The following METTL2A variants were observed in gnomAD, a reference collection of about 807,000 sequenced individuals.
METTL2A encodes methyltransferase 2A, tRNA N3-cytidine.
METTL2A carries 45 observed loss-of-function variants against 49.4 expected under a neutral mutation model. That is an observed-to-expected ratio of 0.91 (90% CI 0.72 to 1.17). METTL2A has a LOEUF of 1.17. Ranked by LOEUF, METTL2A falls within the 50% of genes most tolerant of loss-of-function variation. The pLI, the probability that METTL2A is intolerant of heterozygous loss-of-function variation, is 0.00. For synonymous variants in METTL2A, 118 were observed against 167.5 expected, an observed-to-expected ratio of 0.70 and a Z score of 2.28; for missense variants, 361 against 462.2, an observed-to-expected ratio of 0.78 and a Z score of 2.01.
chr17:62,429,128 T>A (rs1003529629), intron 4 of METTL2A, among the ~76,000 whole-genome samples: 10 of 152,020 alleles, frequency 6.6e-5, no homozygotes, highest in Non-Finnish European at 1.3e-4. Flanking sequence ...CATGGGAAAA[T>A]TAATTTTAAA....
Position 62,426,500 on chromosome 17 carries a change from T to G in METTL2A, c.404T>G (p.Leu135Ter), listed in dbSNP as rs1341303319. 14 of 1,613,450 alleles carry G rather than the reference T, an allele frequency of 8.7e-6. No individual in the cohort carries two copies. The highest frequency in any genetic ancestry group is 1.3e-5 in the African/African-American group (1 of 74,744). ...AGAAACAATGAGGATGGACCTGGTT[T>G]AATAATGGAAGAACAGCACAAGTGT... ...ECRNNEDGPG[L>*]IMEEQHKCSS... The change falls in exon 3 of 9, where the codon TTA (leucine) becomes TGA (stop). Residue 135 changes from leucine (L) to a stop codon, truncating the protein, a stop_gained. Transcript: ENST00000311506. LOFTEE classifies it high-confidence loss of function.
At chr17:62,426,749 A>G in intron 3 of METTL2A, 95 bp downstream of exon 3, 4 of 856,134 alleles carry the variant, frequency 4.7e-6, no homozygotes, top group Non-Finnish European at 7.3e-6. Context: ...AGTAACTTCT[A>G]TTGGATGATG....
chr17:62,445,278 G>T (rs1423057715), intron 7 of METTL2A, among the ~76,000 whole-genome samples: 1 of 146,162 alleles, frequency 6.8e-6, no homozygotes, highest in Non-Finnish European at 1.5e-5. Context: ...ATGTACCCCA[G>T]AACTTAAAGT....
rs1189846270 is a variant in METTL2A at position 62,451,470 on chromosome 17, T to C, written c.*2741T>C. Among the ~76,000 whole-genome samples the C allele has an allele frequency of 6.8e-6, 1 of 147,352 alleles. No individual in the cohort carries two copies. Among genetic ancestry groups the C allele is most frequent in the Non-Finnish European group, 1.5e-5 (1 of 66,806 alleles). On this transcript the variant is annotated 3_prime_UTR_variant, in exon 9 of 9. Transcript: ENST00000311506. Reference sequence around the variant, plus strand: ...GCCAAGACCCTGACTTTTTAAAAAATGTTAAAAATAGGCCGGGTGCGGTGG... The same window carrying C: ...GCCAAGACCCTGACTTTTTAAAAAACGTTAAAAATAGGCCGGGTGCGGTGG...
chr17:62,449,772 A>AGCT lies in METTL2A; in HGVS notation c.*1043_*1044insGCT, dbSNP rs1480839663. The AGCT allele has an allele frequency of 1.2e-5, 2 of 165,320 alleles. No homozygotes were observed. Among genetic ancestry groups the AGCT allele is most frequent in the Admixed American group, 6.0e-5 (1 of 16,698 alleles). 10.2% of individuals were successfully genotyped at this position (165,320 alleles called of 1,614,324 possible). A position where few individuals can be genotyped will look rare whatever the true frequency, so the allele number is the denominator to read the frequency against. ...GAATTTTAAGCATTGTTCCCCCTCT[A>AGCT]ACCTGTGTCTAAAGAATTAAAAGAA... On this transcript the variant is annotated 3_prime_UTR_variant, in exon 9 of 9. Coordinates refer to ENST00000311506, the MANE Select transcript of METTL2A (RefSeq NM_181725.4).
intron 4 of METTL2A, among the ~76,000 whole-genome samples, chr17:62,430,872 A>G (rs371015448): frequency 3.3e-5 from 5 of 149,910 alleles, no homozygotes; most frequent in South Asian, 2.1e-4. Context: ...TGATTGATTG[A>G]TTGGTTGATT....
chr17:62,447,557 A>G (rs1210474017), intron 7 of METTL2A, 144 bp from the exon 8 acceptor site: 19 of 784,672 alleles, frequency 2.4e-5, no homozygotes, highest in South Asian at 1.2e-4. Context: ...ATTGTGACTT[A>G]CTCCTGTTGA....
chr17:62,435,249 T>A lies in METTL2A; in HGVS notation c.626T>A (p.Val209Asp). ...CATTTCAGTGACCCAGGACTCTTTGTTTATTGCTGTGATTTTTCTTCCACA... is the reference window on the plus strand; with the variant it reads ...CATTTCAGTGACCCAGGACTCTTTGATTATTGCTGTGATTTTTCTTCCACA... ...LQTNNDPGLF[V>D]YCCDFSSTAI... is the part of the protein sequence containing the mutation. The change falls in exon 5 of 9, where the codon GTT (valine) becomes GAT (aspartate). Residue 209 changes from valine (V) to aspartate (D), a missense_variant. Coordinates refer to ENST00000311506, the MANE Select transcript of METTL2A (RefSeq NM_181725.4). 6.2e-7 allele frequency: 1 copy of A among 1,613,968 alleles called. No homozygotes were observed. Among genetic ancestry groups the A allele is most frequent in the South Asian group, 1.1e-5 (1 of 91,074 alleles).
At chr17:62,442,379 G>T (rs956827998) in intron 6 of METTL2A, among the ~76,000 whole-genome samples, 2 of 151,238 alleles carry the variant, frequency 1.3e-5, no homozygotes, top group Non-Finnish European at 3.0e-5. Flanking sequence ...AGGTTAAAGC[G>T]ATTCTCCTGC....
chr17:62,446,604 C>T (rs570875386), intron 7 of METTL2A, among the ~76,000 whole-genome samples: 8 of 152,234 alleles, frequency 5.3e-5, no homozygotes, highest in East Asian at 1.9e-4. Flanking sequence ...TGAGCCACTG[C>T]GCTCGGCTTA....
Position 62,451,890 on chromosome 17 carries a change from CA to C in METTL2A, c.*3181del, listed in dbSNP as rs772762045. ...GGGCAACAAGAGTGAAACTCCGTCT[CA>C]AAAAAAAAAAAAAAAAAAATTAGCT... On this transcript the variant is annotated 3_prime_UTR_variant, in exon 9 of 9. Transcript: ENST00000311506. Among the ~76,000 whole-genome samples the C allele has an allele frequency of 3.2e-3, 191 of 60,030 alleles. No homozygotes were observed. Among genetic ancestry groups the C allele is most frequent in the Middle Eastern group, 0.012 (1 of 82 alleles). The allele number at this position is 60,030 out of a possible 152,430, so 39.4% of individuals were successfully genotyped here.
chr17:62,445,539 C>T, intron 7 of METTL2A, among the ~76,000 whole-genome samples: 1 of 152,100 alleles, frequency 6.6e-6, no homozygotes, highest in Non-Finnish European at 1.5e-5. Flanking sequence ...TGGCTCATGC[C>T]TGTAATTCCA....
At chr17:62,438,407 CAAAA>C (rs1232215588) in intron 5 of METTL2A, among the ~76,000 whole-genome samples, 1 of 108,618 alleles carries the variant, frequency 9.2e-6, no homozygotes, top group Admixed American at 9.8e-5. Flanking sequence ...AACTCCATCT[CAAAA>C]AAAAAAAAAA....
intron 5 of METTL2A, among the ~76,000 whole-genome samples, chr17:62,437,362 C>T (rs2070707956): frequency 6.6e-6 from 1 of 152,104 alleles, no homozygotes; most frequent in South Asian, 2.1e-4. Context: ...GCCCCAAGTT[C>T]CTGGTATCTT....
At position 62,440,726 on chromosome 17, in the gene METTL2A, T is replaced by C; in HGVS notation, c.779T>C (p.Ile260Thr). Residue 260 changes from isoleucine to threonine, a missense_variant, in exon 6 of 9, where the codon ATA becomes ACA. Physicochemically the swap from Ile to Thr is moderately conservative, Grantham distance 89. Transcript: ENST00000311506. The stretch of plus-strand genomic sequence containing the variant: ...GGCAGTCTTGATATTATCATTCTCA[T>C]ATTTGTTCTTTCAGCAATTGTTCCA... ...PKGSLDIIILIFVLSAIVPDK... is the reference protein window; with the variant it reads ...PKGSLDIIILTFVLSAIVPDK... 6.2e-7 allele frequency: 1 copy of C among 1,614,098 alleles called. No homozygotes were observed. Among genetic ancestry groups the C allele is most frequent in the Non-Finnish European group, 8.5e-7 (1 of 1,180,008 alleles).
chr17:62,447,988 C>A (rs1260154415), intron 8 of METTL2A, among the ~76,000 whole-genome samples: 1 of 152,198 alleles, frequency 6.6e-6, no homozygotes, highest in Admixed American at 6.5e-5. Context: ...TGCCTTCAGT[C>A]CTGCTCTGCT....
intron 6 of METTL2A, 74 bp downstream of exon 6, chr17:62,440,830 G>C: frequency 1.3e-6 from 2 of 1,552,600 alleles, no homozygotes; most frequent in Non-Finnish European, 1.7e-6. Context: ...TTTAAAATAG[G>C]TTCTTGCTCT....
In METTL2A at chr17:62,450,247, C is replaced by CTTTTTTTTTTTTTTTT. The variant is rs34417908; in HGVS notation, c.*1532_*1547dup. 1.7e-4 allele frequency: 14 copies of CTTTTTTTTTTTTTTTT among 80,516 alleles called. 1 individual carries two copies. Among genetic ancestry groups the CTTTTTTTTTTTTTTTT allele is most frequent in the African/African-American group, 6.9e-4 (11 of 15,976 alleles). The allele number at this position is 80,516 out of a possible 1,614,324, so 5.0% of individuals were successfully genotyped here. A position where few individuals can be genotyped will look rare whatever the true frequency, so the allele number is the denominator to read the frequency against. On this transcript the variant is annotated 3_prime_UTR_variant, in exon 9 of 9. Transcript: ENST00000311506. ...TGTGATCATTATCAGTGTTAGATGC[C>CTTTTTTTTTTTTTTTT]TTTTTTTTTTTTTTTTTTTTTTTTT... is the stretch of plus-strand genomic sequence containing the variant.
chr17:62,434,897 G>T, intron 4 of METTL2A: 1 of 315,816 alleles, frequency 3.2e-6, no homozygotes, highest in Non-Finnish European at 6.1e-6. Flanking sequence ...TGCCAGGGTG[G>T]CTCAGCGAAG....
Sources: allele counts gnomAD v4.1 joint callset (sites outside exome capture counted in the v4.1 genomes callset), GRCh38; gene constraint gnomAD v4.1.1; transcripts MANE v1.5; gene names NCBI Gene and HGNC (gene_info 2026-07-23, HGNC 2026-07-21).